The following DDX31 variants were observed in gnomAD, a reference collection of about 807,000 sequenced individuals.
DDX31 encodes DEAD-box helicase 31.
In DDX31, 70 loss-of-function variants were observed where a neutral mutation model predicts 91.3. The ratio of observed to expected loss-of-function variants is 0.77; its 90% CI spans 0.63 to 0.94. The LOEUF is 0.94. Among genes scored for constraint, DDX31 ranks in the 40% least tolerant of loss-of-function variants. The probability of loss-of-function intolerance (pLI) is 0.00; values close to 1 mark genes in which losing one functional copy is unlikely to be tolerated. For missense variants in DDX31, 902 were observed against 925.0 expected (o/e 0.98, Z 0.32); for synonymous variants, 362 against 350.6 (o/e 1.03, Z -0.36).
intron 17 of DDX31, among the ~76,000 whole-genome samples, chr9:132,623,294 A>G (rs1261786122): frequency 6.6e-6 from 1 of 152,046 alleles, no homozygotes; most frequent in Non-Finnish European, 1.5e-5. Context: ...GCAGTGGCTC[A>G]TGCCTGTAAT....
chr9:132,669,901 G>C lies in DDX31; in HGVS notation c.34C>G (p.Pro12Ala), dbSNP rs753044219. ...GGGGGACGTCTGGAGAACGTCCTGG[G>C]GTTGTCGAAGAGCGAACCGTCGGCG... ...AAADGSLFDN[P>A]RTFSRRPPAQ... is the part of the protein sequence containing the mutation. The change falls in exon 1 of 20, where the codon CCC (proline) becomes GCC (alanine). Residue 12 changes from proline (P) to alanine (A), a missense_variant. Coordinates refer to ENST00000372159, the MANE Select transcript of DDX31 (RefSeq NM_022779.9). 1.3e-6 allele frequency: 2 copies of C among 1,597,338 alleles called. No homozygotes were observed. The highest frequency in any genetic ancestry group is 1.7e-6 in the Non-Finnish European group (2 of 1,172,886).
At chr9:132,623,706 G>T (rs985886093) in intron 17 of DDX31, among the ~76,000 whole-genome samples, 1 of 151,848 alleles carries the variant, frequency 6.6e-6, no homozygotes, top group Non-Finnish European at 1.5e-5. Context: ...GAGAGGTCCA[G>T]TCCCTGCCCA....
chr9:132,616,589 C>T (rs552568498), intron 18 of DDX31, among the ~76,000 whole-genome samples: 1 of 152,278 alleles, frequency 6.6e-6, no homozygotes, highest in South Asian at 2.1e-4. Context: ...AGCACAACAC[C>T]TTGTTATGTA....
intron 14 of DDX31, among the ~76,000 whole-genome samples, chr9:132,638,687 C>A (rs557888786): frequency 1.3e-5 from 2 of 152,272 alleles, no homozygotes; most frequent in East Asian, 3.9e-4. Flanking sequence ...TCAGGACTTG[C>A]GAGCTGCATG....
intron 16 of DDX31, among the ~76,000 whole-genome samples, chr9:132,626,696 G>T (rs2130628965): frequency 6.6e-6 from 1 of 151,552 alleles, no homozygotes; most frequent in East Asian, 1.9e-4. Context: ...CCTCTTAGGT[G>T]GGAGAAGACA....
intron 17 of DDX31, among the ~76,000 whole-genome samples, chr9:132,622,741 C>T (rs1333083221): frequency 1.3e-5 from 2 of 152,240 alleles, no homozygotes; most frequent in African/African-American, 4.8e-5. Context: ...CAAAAAAGGG[C>T]ACTGGGATTC....
intron 19 of DDX31, among the ~76,000 whole-genome samples, chr9:132,601,446 T>C (rs1396290629): frequency 1.3e-5 from 2 of 152,140 alleles, no homozygotes; most frequent in African/African-American, 4.8e-5. Context: ...GGCAGTTTCC[T>C]CCTCTGTAAA....
At chr9:132,611,163 C>T (rs996799828) in intron 19 of DDX31, among the ~76,000 whole-genome samples, 4 of 152,096 alleles carry the variant, frequency 2.6e-5, no homozygotes, top group African/African-American at 7.2e-5. Flanking sequence ...GAGCCTGCGG[C>T]GTTTGTAAAT....
intron 19 of DDX31, 32 bp downstream of exon 19, chr9:132,612,055 C>G: frequency 6.2e-7 from 1 of 1,602,876 alleles, no homozygotes; most frequent in African/African-American, 1.3e-5. Flanking sequence ...AGCTCTCTAG[C>G]CCCGTCACGG....
At chr9:132,597,211 A>C (rs1051469493) in intron 19 of DDX31, among the ~76,000 whole-genome samples, 2 of 152,126 alleles carry the variant, frequency 1.3e-5, no homozygotes, top group African/African-American at 2.4e-5. Context: ...GAGTCTCATC[A>C]TGGGTCACCC....
intron 6 of DDX31, among the ~76,000 whole-genome samples, chr9:132,655,931 A>G (rs1013616167): frequency 1.3e-5 from 2 of 152,232 alleles, no homozygotes; most frequent in African/African-American, 4.8e-5. Flanking sequence ...GTGAGACTAC[A>G]CTGAACGCAG....
At chr9:132,644,359 A>G in intron 13 of DDX31, among the ~76,000 whole-genome samples, 1 of 152,240 alleles carries the variant, frequency 6.6e-6, no homozygotes. Flanking sequence ...TAGGCCCTGT[A>G]CGGAGGGCTT....
chr9:132,654,667 C>T (rs1454702121), intron 6 of DDX31, among the ~76,000 whole-genome samples: 5 of 151,718 alleles, frequency 3.3e-5, no homozygotes, highest in African/African-American at 9.7e-5. Flanking sequence ...AATAAAGGGC[C>T]GGATGTGGTG....
intron 13 of DDX31, among the ~76,000 whole-genome samples, chr9:132,644,858 G>A (rs1564319573): frequency 6.6e-6 from 1 of 152,210 alleles, no homozygotes. Flanking sequence ...GCAAGGGCTG[G>A]AATATTCAGG....
At chr9:132,659,113 T>C (rs1834770788) in intron 5 of DDX31, among the ~76,000 whole-genome samples, 1 of 152,232 alleles carries the variant, frequency 6.6e-6, no homozygotes, top group Non-Finnish European at 1.5e-5. Context: ...ATTACATCTC[T>C]GCAGTGCTGA....
intron 17 of DDX31, among the ~76,000 whole-genome samples, chr9:132,623,483 G>A (rs1005445965): frequency 1.4e-5 from 2 of 145,142 alleles, no homozygotes; most frequent in African/African-American, 5.2e-5. Context: ...AACCTGGGAG[G>A]CAGAGGTTGT....
At chr9:132,611,100 AG>A (rs749474651) in intron 19 of DDX31, among the ~76,000 whole-genome samples, 46 of 152,214 alleles carry the variant, frequency 3.0e-4, no homozygotes, top group Non-Finnish European at 5.4e-4. Context: ...GACACTGGGC[AG>A]GAACAGGCAG....
intron 1 of DDX31, 106 bp from the exon 2 acceptor site, chr9:132,662,801 A>G: frequency 3.5e-6 from 5 of 1,433,784 alleles, no homozygotes; most frequent in Non-Finnish European, 4.8e-6. Flanking sequence ...CTCCCTGCAG[A>G]GATCATTATG....
chr9:132,666,751 G>C (rs1835338338), intron 1 of DDX31, among the ~76,000 whole-genome samples: 1 of 150,364 alleles, frequency 6.7e-6, no homozygotes, highest in Non-Finnish European at 1.5e-5. Flanking sequence ...CTGTCGCCCA[G>C]GCTGGAGTGC....
Sources: gnomAD v4.1 joint callset for allele counts (sites outside exome capture counted in the v4.1 genomes callset) on GRCh38, gnomAD v4.1.1 for gene constraint, MANE v1.5 for transcripts, NCBI Gene and HGNC (gene_info 2026-07-23, HGNC 2026-07-21) for gene names.